The following ZCCHC7 variants were observed in gnomAD, a reference collection of about 807,000 sequenced individuals.
ZCCHC7 encodes zinc finger CCHC domain-containing protein 7.
In ZCCHC7, 35 loss-of-function variants were observed where a neutral mutation model predicts 52.0. The ratio of observed to expected loss-of-function variants is 0.67; its 90% CI spans 0.51 to 0.89. ZCCHC7 has a LOEUF of 0.89. ZCCHC7 is among the 40% of genes least tolerant of loss of function. ZCCHC7 has a pLI of 0.00. For missense variants in ZCCHC7, 574 were observed against 649.1 expected, an observed-to-expected ratio of 0.88 and a Z score of 1.26; for synonymous variants, 217 against 221.5, an observed-to-expected ratio of 0.98 and a Z score of 0.18.
intron 2 of ZCCHC7, among the ~76,000 whole-genome samples, chr9:37,182,734 G>T (rs1822435306): frequency 6.6e-6 from 1 of 152,190 alleles, no homozygotes; most frequent in Non-Finnish European, 1.5e-5. Context: ...TTGAAATTGT[G>T]TTGTTATTTT....
intron 7 of ZCCHC7, among the ~76,000 whole-genome samples, chr9:37,351,692 A>C (rs538726712): frequency 6.6e-6 from 1 of 152,216 alleles, no homozygotes; most frequent in Admixed American, 6.5e-5. Flanking sequence ...GATGTTGTCA[A>C]CGTCTTTTAG....
At chr9:37,294,314 G>T (rs1828677908) in intron 2 of ZCCHC7, among the ~76,000 whole-genome samples, 1 of 152,196 alleles carries the variant, frequency 6.6e-6, no homozygotes, top group Admixed American at 6.5e-5. Context: ...TTGCTTATTA[G>T]AAGTGAGAAA....
At chr9:37,267,433 T>C (rs943685410) in intron 2 of ZCCHC7, among the ~76,000 whole-genome samples, 1 of 152,080 alleles carries the variant, frequency 6.6e-6, no homozygotes, top group Non-Finnish European at 1.5e-5. Context: ...AGGGCCTTGC[T>C]CTGTCTCTTA....
intron 2 of ZCCHC7, among the ~76,000 whole-genome samples, chr9:37,209,320 A>G (rs1013625238): frequency 1.8e-4 from 27 of 151,566 alleles, no homozygotes; most frequent in Non-Finnish European, 2.8e-4. Flanking sequence ...GATTACAGGC[A>G]TGAGCCACCA....
chr9:37,133,276 A>T (rs2132723547), intron 2 of ZCCHC7, among the ~76,000 whole-genome samples: 1 of 152,362 alleles, frequency 6.6e-6, no homozygotes, highest in South Asian at 2.1e-4. Flanking sequence ...CAATGTAAAT[A>T]CCATGTAAAT....
chr9:37,174,624 G>A (rs578095518), intron 2 of ZCCHC7, among the ~76,000 whole-genome samples: 1 of 152,158 alleles, frequency 6.6e-6, no homozygotes, highest in South Asian at 2.1e-4. Context: ...ACAAGTTTAT[G>A]TTGAAGGATA....
At chr9:37,310,958 TTAAAA>T (rs910461981) in intron 5 of ZCCHC7, among the ~76,000 whole-genome samples, 2 of 132,778 alleles carry the variant, frequency 1.5e-5, no homozygotes, top group African/African-American at 3.2e-5. Context: ...CTCTCTCTTT[TTAAAA>T]AAAAAAAAAA....
chr9:37,199,678 GTCTGTCTGTCTT>G lies in ZCCHC7; in HGVS notation c.610+72752_610+72763del, dbSNP rs1197594187. Among the ~76,000 whole-genome samples, 33 of 68,066 alleles carry G rather than the reference GTCTGTCTGTCTT, an allele frequency of 4.8e-4. 1 individual carries two copies. The highest frequency in any genetic ancestry group is 4.5e-3 in the East Asian group (17 of 3,744). 44.7% of individuals were successfully genotyped at this position (68,066 alleles called of 152,430 possible). On this transcript the variant is annotated intron_variant, in intron 2 of 8. Coordinates refer to ENST00000336755, the MANE Select transcript of ZCCHC7 (RefSeq NM_032226.3). ...TGTCTGTCTGTCTGTCTTTCTCTCTGTCTGTCTGTCTTTCTGTCTGTCTTTCTTTCTGTCTTT... is the reference window on the plus strand; with the variant it reads ...TGTCTGTCTGTCTGTCTTTCTCTCTGTCTGTCTGTCTTTCTTTCTGTCTTT...
At chr9:37,183,973 C>A (rs1406211704) in intron 2 of ZCCHC7, among the ~76,000 whole-genome samples, 1 of 152,194 alleles carries the variant, frequency 6.6e-6, no homozygotes, top group Non-Finnish European at 1.5e-5. Flanking sequence ...TGGCCTTGAG[C>A]CCCTCCTTTC....
chr9:37,191,229 C>A lies in ZCCHC7; in HGVS notation c.610+64287C>A, dbSNP rs374664812. Among the ~76,000 whole-genome samples the A allele has an allele frequency of 5.5e-4, 83 of 152,138 alleles. 1 individual carries two copies. In the South Asian group the frequency reaches 0.016, roughly 29 times the overall value. On this transcript the variant is annotated intron_variant, in intron 2 of 8. Coordinates refer to ENST00000336755, the MANE Select transcript of ZCCHC7 (RefSeq NM_032226.3). The stretch of plus-strand genomic sequence containing the variant: ...AAGTAATTTTACCTTAGTTTTATGT[C>A]TTTTCTAATTTGTCATAAGATTCTA...
chr9:37,278,517 T>G (rs1254669980), intron 2 of ZCCHC7, among the ~76,000 whole-genome samples: 2 of 152,064 alleles, frequency 1.3e-5, no homozygotes, highest in African/African-American at 4.8e-5. Context: ...TGAACAATAT[T>G]AAGACCTAAT....
intron 2 of ZCCHC7, among the ~76,000 whole-genome samples, chr9:37,298,623 G>C (rs886583512): frequency 2.6e-5 from 4 of 152,144 alleles, no homozygotes; most frequent in Non-Finnish European, 5.9e-5. Flanking sequence ...TGCCTCAGGT[G>C]GGGGATTGAC....
chr9:37,293,350 G>C (rs2133642358), intron 2 of ZCCHC7, among the ~76,000 whole-genome samples: 1 of 152,254 alleles, frequency 6.6e-6, no homozygotes, highest in East Asian at 1.9e-4. Context: ...AAGTAGACAA[G>C]GAAATGTTAA....
Position 37,162,802 on chromosome 9 carries a change from A to G in ZCCHC7, c.610+35860A>G, listed in dbSNP as rs185926667. 1.2e-4 allele frequency among the ~76,000 whole-genome samples: 19 copies of G among 152,290 alleles called. No homozygotes were observed. In the East Asian group the frequency reaches 3.5e-3, roughly 28 times the overall value. ...AAACAACAGTTCCAGGCCAGGTGCG[A>G]TGGCTCATGCCTGTCATCTCAACAC... On this transcript the variant is annotated intron_variant, in intron 2 of 8. Transcript: ENST00000336755.
upstream of ZCCHC7, chr9:37,120,449 G>A (rs2132649211): frequency 5.0e-6 from 2 of 397,374 alleles, no homozygotes; most frequent in Non-Finnish European, 8.9e-6. Context: ...CGCACATCAG[G>A]CGCGGCAGGT....
chr9:37,142,727 C>A (rs1294836018), intron 2 of ZCCHC7, among the ~76,000 whole-genome samples: 3 of 151,516 alleles, frequency 2.0e-5, no homozygotes, highest in Non-Finnish European at 3.0e-5. Context: ...TAAAACTATT[C>A]CTCCTTTTAA....
chr9:37,269,635 A>AC (rs1564214499), intron 2 of ZCCHC7, among the ~76,000 whole-genome samples: 1 of 149,092 alleles, frequency 6.7e-6, no homozygotes, highest in East Asian at 2.0e-4. Context: ...AAAAAAAAAA[A>AC]AAAAAAAAAA....
rs373967317 is a variant in ZCCHC7, at chr9:37,349,428, C to T, written c.1059C>T (p.Cys353=). 65 of 1,613,856 alleles carry T rather than the reference C, an allele frequency of 4.0e-5. No homozygotes were observed. The highest frequency in any genetic ancestry group is 8.3e-5 in the Admixed American group (5 of 60,004). Residue 353 remains cysteine (C), a synonymous_variant, in exon 7 of 9, where the codon TGC becomes TGT. Coordinates refer to ENST00000336755, the MANE Select transcript of ZCCHC7 (RefSeq NM_032226.3). ...CAGCCTTAGCATATTGCTATCACTGCGCGCAAAAAGGCCATTATGGACACG... is the reference window on the plus strand; with the variant it reads ...CAGCCTTAGCATATTGCTATCACTGTGCGCAAAAAGGCCATTATGGACACG... ...RPSALAYCYH[C]AQKGHYGHEC...
At chr9:37,278,034 G>GTGTGTGTGTTTTGTTT (rs74182939) in intron 2 of ZCCHC7, among the ~76,000 whole-genome samples, 2 of 142,956 alleles carry the variant, frequency 1.4e-5, no homozygotes, top group Non-Finnish European at 3.0e-5. Context: ...GTGTGTGTGT[G>GTGTGTGTGTTTTGTTT]TGTTTTGTTT....
Sources: gnomAD v4.1 joint callset for allele counts (sites outside exome capture counted in the v4.1 genomes callset) on GRCh38, gnomAD v4.1.1 for gene constraint, MANE v1.5 for transcripts, NCBI Gene and HGNC (gene_info 2026-07-23, HGNC 2026-07-21) for gene names.